Variants in CNTLN observed in about 807,000 individuals in gnomAD.
CNTLN encodes the protein centlein, also known as centlein, centrosomal protein.
Under a neutral mutation model 180.0 loss-of-function variants are expected in CNTLN, and 212 were observed. The ratio of observed to expected loss-of-function variants is 1.18; its 90% CI spans 1.05 to 1.32. CNTLN has a LOEUF of 1.32. Among genes scored for constraint, CNTLN ranks in the 40% most tolerant of loss-of-function variants. The pLI, the probability that CNTLN is intolerant of heterozygous loss-of-function variation, is 0.00. For synonymous variants in CNTLN, 722 were observed against 563.1 expected, an observed-to-expected ratio of 1.28 and a Z score of -3.99; for missense variants, 2,095 against 1,610.9, an observed-to-expected ratio of 1.30 and a Z score of -5.14.
rs1285894561 is a variant in CNTLN, at chr9:17,302,049, C to T, written c.1146+3697C>T. On this transcript the variant is annotated intron_variant, in intron 7 of 25. Transcript: ENST00000380647. ...ATAAACATTTCTTTGTCAGTTCAGACTATTACTATTCATTATAGTGTACTG... is the reference window on the plus strand; with the variant it reads ...ATAAACATTTCTTTGTCAGTTCAGATTATTACTATTCATTATAGTGTACTG... 4.1e-6 allele frequency: 4 copies of T among 984,624 alleles called. No individual in the cohort carries two copies. In the Admixed American group the frequency reaches 1.9e-4, roughly 46 times the overall value. The allele number at this position is 984,624 out of a possible 1,614,324, so 61.0% of individuals were successfully genotyped here. A position where few individuals can be genotyped will look rare whatever the true frequency, so the allele number is the denominator to read the frequency against.
chr9:17,330,322 A>T (rs890917782), intron 8 of CNTLN, among the ~76,000 whole-genome samples: 1 of 152,044 alleles, frequency 6.6e-6, no homozygotes, highest in Non-Finnish European at 1.5e-5. Flanking sequence ...TATAATCAGA[A>T]ATTTGAAATG....
At chr9:17,513,354 G>T in the CNTLN span, among the ~76,000 whole-genome samples, 1 of 151,758 alleles carries the variant, frequency 6.6e-6, no homozygotes, top group South Asian at 2.1e-4. Context: ...CTCCAAAAGT[G>T]TTCATGTTAA....
At chr9:17,275,338 A>T (rs1828243922) in intron 6 of CNTLN, among the ~76,000 whole-genome samples, 2 of 152,096 alleles carry the variant, frequency 1.3e-5, no homozygotes, top group African/African-American at 4.8e-5. Flanking sequence ...TATCTGGAGA[A>T]TCTCAGAAAC....
At position 17,288,218 on chromosome 9, in the gene CNTLN, C is replaced by T. The variant is rs1283939236; in HGVS notation, c.984-9972C>T. Among the ~76,000 whole-genome samples, 10 of 121,452 alleles carry T rather than the reference C, an allele frequency of 8.2e-5. 1 individual carries two copies. Among genetic ancestry groups the T allele is most frequent in the East Asian group, 5.3e-4 (2 of 3,782 alleles). The allele number at this position is 121,452 out of a possible 152,430, so 79.7% of individuals were successfully genotyped here. On this transcript the variant is annotated intron_variant, in intron 6 of 25. Transcript: ENST00000380647. ...TTCTGGTATGTTGTGTCTTTGTTCT[C>T]GTTGGTTTCAAAGAACATCTTTATT... is the stretch of plus-strand genomic sequence containing the variant.
intron 18 of CNTLN, among the ~76,000 whole-genome samples, chr9:17,418,284 A>C (rs1828421630): frequency 1.3e-5 from 2 of 152,162 alleles, no homozygotes; most frequent in South Asian, 2.1e-4. Context: ...AATTAGATTT[A>C]ATTTGAATAT....
At position 17,203,820 on chromosome 9, in the gene CNTLN, G is replaced by A. The variant is rs368274959; in HGVS notation, c.450-22383G>A. ...GATCCACCCGCCTCGGCCTCCCGAA[G>A]TGCTGGGATTACAGGCTTGAGCCAC... is the stretch of plus-strand genomic sequence containing the variant. On this transcript the variant is annotated intron_variant, in intron 2 of 25. Transcript: ENST00000380647. 2.2e-4 allele frequency among the ~76,000 whole-genome samples: 33 copies of A among 152,326 alleles called. 1 individual carries two copies. In the East Asian group the frequency reaches 5.6e-3, roughly 26 times the overall value.
At position 17,210,511 on chromosome 9, in the gene CNTLN, C is replaced by A. The variant is rs555264731; in HGVS notation, c.450-15692C>A. On this transcript the variant is annotated intron_variant, in intron 2 of 25. Coordinates refer to ENST00000380647, the MANE Select transcript of CNTLN (RefSeq NM_017738.4). ...CAAGTCTTTGCTATTGTGAATATTG[C>A]CGCAGTGAACATACGTGTGCATGTG... Among the ~76,000 whole-genome samples, 73 of 152,280 alleles carry A rather than the reference C, an allele frequency of 4.8e-4. 1 individual carries two copies. The highest frequency in any genetic ancestry group is 1.7e-3 in the African/African-American group (72 of 41,546).
chr9:17,404,634 T>G (rs2133808383), intron 15 of CNTLN, among the ~76,000 whole-genome samples: 1 of 151,970 alleles, frequency 6.6e-6, no homozygotes, highest in African/African-American at 2.4e-5. Flanking sequence ...CTCCTTTACC[T>G]AGTAGTCCTC....
At chr9:17,345,206 A>G (rs558566008) in intron 12 of CNTLN, among the ~76,000 whole-genome samples, 8 of 152,236 alleles carry the variant, frequency 5.3e-5, no homozygotes, top group East Asian at 1.9e-4. Flanking sequence ...TTTATTTTTT[A>G]AGGGAAATGC....
Position 17,204,757 on chromosome 9 carries a change from G to C in CNTLN, c.450-21446G>C, listed in dbSNP as rs577794518. Among the ~76,000 whole-genome samples the C allele has an allele frequency of 2.6e-5, 4 of 152,262 alleles. No homozygotes were observed. The East Asian group carries it at 5.8e-4, about 22-fold the overall frequency. Reference sequence around the variant, plus strand: ...TGCTCTCTTCAGAGTTGGCAGCCAGGAAAGATTAAGCCCGCTAAAGCTGAG... The same window carrying C: ...TGCTCTCTTCAGAGTTGGCAGCCAGCAAAGATTAAGCCCGCTAAAGCTGAG... On this transcript the variant is annotated intron_variant, in intron 2 of 25. Coordinates refer to ENST00000380647, the MANE Select transcript of CNTLN (RefSeq NM_017738.4).
chr9:17,370,273 GGT>G (rs1824201429), intron 13 of CNTLN, among the ~76,000 whole-genome samples: 1 of 152,048 alleles, frequency 6.6e-6, no homozygotes, highest in African/African-American at 2.4e-5. Context: ...AACTCCCAAG[GGT>G]CAAGGATAAA....
At chr9:17,290,688 C>T (rs948384167) in intron 6 of CNTLN, among the ~76,000 whole-genome samples, 2 of 150,624 alleles carry the variant, frequency 1.3e-5, no homozygotes, top group African/African-American at 4.9e-5. Context: ...CCCTCCGAGC[C>T]AGGTGTGGGA....
Position 17,359,717 on chromosome 9 carries a change from T to TAAAAAAAAAAAAAAAA in CNTLN, c.1887-6895_1887-6894insAAAAAAAAAAAAAAAA, listed in dbSNP as rs1456379699. Among the ~76,000 whole-genome samples the TAAAAAAAAAAAAAAAA allele has an allele frequency of 4.8e-3, 65 of 13,476 alleles. 12 individuals are homozygous for TAAAAAAAAAAAAAAAA. The highest frequency in any genetic ancestry group is 0.012 in the East Asian group (4 of 328). 8.8% of individuals were successfully genotyped at this position (13,476 alleles called of 152,430 possible). A position where few individuals can be genotyped will look rare whatever the true frequency, so the allele number is the denominator to read the frequency against. ...TAACACGGTGAAACTCCGTCTATAC[T>TAAAAAAAAAAAAAAAA]AAAAATACAAAAAAAAAAAAAAAAA... On this transcript the variant is annotated intron_variant, in intron 12 of 25. Coordinates refer to ENST00000380647, the MANE Select transcript of CNTLN (RefSeq NM_017738.4).
At chr9:17,425,895 A>C (rs934544995) in intron 18 of CNTLN, among the ~76,000 whole-genome samples, 4 of 152,206 alleles carry the variant, frequency 2.6e-5, no homozygotes, top group African/African-American at 9.7e-5. Context: ...GAGAGAGATA[A>C]ACTGAACAGA....
At chr9:17,136,060 T>G (rs1258197732) in intron 1 of CNTLN, among the ~76,000 whole-genome samples, 1 of 152,174 alleles carries the variant, frequency 6.6e-6, no homozygotes, top group Non-Finnish European at 1.5e-5. Flanking sequence ...TGAAAAACAT[T>G]TGCTAAATCA....
intron 15 of CNTLN, among the ~76,000 whole-genome samples, chr9:17,405,296 G>C (rs906676473): frequency 1.3e-5 from 2 of 151,614 alleles, no homozygotes. Context: ...TTCAGTCAGT[G>C]GACATTTTGT....
chr9:17,368,657 G>T (rs2165688), intron 13 of CNTLN, among the ~76,000 whole-genome samples: 126,814 of 152,164 alleles, frequency 0.83, 53,045 homozygotes, highest in Non-Finnish European at 0.87. Flanking sequence ...CAAAGAGAGA[G>T]AGACTCTGTT....
At chr9:17,338,337 G>GTTTTTTTTTTTTTTTTTTT (rs71331486) in intron 10 of CNTLN, among the ~76,000 whole-genome samples, 2 of 100,434 alleles carry the variant, frequency 2.0e-5, no homozygotes, top group Non-Finnish European at 3.7e-5. Flanking sequence ...GCTAATTTTT[G>GTTTTTTTTTTTTTTTTTTT]TTTTTTTTTT....
At position 17,136,600 on chromosome 9, in the gene CNTLN, A is replaced by T. The variant is rs528866085; in HGVS notation, c.360+1175A>T. On this transcript the variant is annotated intron_variant, in intron 1 of 25. Transcript: ENST00000380647. ...AGCCTTGGCCTTCCAAAGTGCTGGG[A>T]TTACAGAAATTCATTCTCTCATAGT... Among the ~76,000 whole-genome samples the T allele has an allele frequency of 6.8e-4, 103 of 152,272 alleles. 1 individual carries two copies. The highest frequency in any genetic ancestry group is 2.3e-3 in the African/African-American group (96 of 41,556).
Sources: gnomAD v4.1 joint callset for allele counts (sites outside exome capture counted in the v4.1 genomes callset) on GRCh38, gnomAD v4.1.1 for gene constraint, MANE v1.5 for transcripts, NCBI Gene and HGNC (gene_info 2026-07-23, HGNC 2026-07-21) for gene names.